PAN3: variants seen among roughly 807,000 people sequenced by gnomAD.
PAN3 encodes the protein poly(A) specific ribonuclease subunit PAN3.
PAN3 carries 19 observed loss-of-function variants against 96.2 expected under a neutral mutation model. The observed-to-expected ratio is 0.20, with a 90% CI of 0.14 to 0.29. PAN3 has a LOEUF of 0.29. Among genes scored for constraint, PAN3 ranks in the 10% least tolerant of loss-of-function variants. The pLI is 1.00. For missense variants in PAN3, 882 were observed against 1,108.1 expected (o/e 0.80, Z 2.90); for synonymous variants, 433 against 406.6 (o/e 1.06, Z -0.78).
intron 6 of PAN3, among the ~76,000 whole-genome samples, chr13:28,221,864 T>C (rs1018670976): frequency 7.2e-5 from 11 of 152,220 alleles, no homozygotes; most frequent in African/African-American, 2.7e-4. Flanking sequence ...TGTGTTCACA[T>C]TGTTTACATG....
At chr13:28,206,011 T>C (rs1879308016) in intron 5 of PAN3, among the ~76,000 whole-genome samples, 2 of 152,150 alleles carry the variant, frequency 1.3e-5, no homozygotes, top group African/African-American at 4.8e-5. Flanking sequence ...CAGCAACTTA[T>C]TCCTTCATGT....
At chr13:28,199,434 TATCTGA>T (rs1411336562) in intron 5 of PAN3, among the ~76,000 whole-genome samples, 1 of 152,198 alleles carries the variant, frequency 6.6e-6, no homozygotes, top group Non-Finnish European at 1.5e-5. Context: ...GAATTGGTGT[TATCTGA>T]ATCTAATGTT....
At chr13:28,278,716 G>T (rs1483851807) in intron 15 of PAN3, among the ~76,000 whole-genome samples, 3 of 151,704 alleles carry the variant, frequency 2.0e-5, no homozygotes, top group African/African-American at 7.3e-5. Context: ...CTATAAATTA[G>T]ATACCATTAT....
intron 5 of PAN3, chr13:28,215,852 T>A: frequency 7.2e-7 from 1 of 1,392,454 alleles, no homozygotes; most frequent in Non-Finnish European, 1.0e-6. Flanking sequence ...CTGCTGGAGC[T>A]GGCAAGGTCA....
At chr13:28,225,240 AAATT>A (rs1881871364) in intron 6 of PAN3, among the ~76,000 whole-genome samples, 1 of 152,184 alleles carries the variant, frequency 6.6e-6, no homozygotes, top group Non-Finnish European at 1.5e-5. Context: ...GAAAAAGGGG[AAATT>A]AATATTTGTC....
At chr13:28,292,159 A>G (rs1886233) in intron 18 of PAN3, among the ~76,000 whole-genome samples, 106,893 of 152,034 alleles carry the variant, frequency 0.7, 38,498 homozygotes, top group South Asian at 0.82. Context: ...TAATACAAAC[A>G]AACGTTAAGC....
At chr13:28,213,024 T>G (rs189136340) in intron 5 of PAN3, among the ~76,000 whole-genome samples, 57 of 152,088 alleles carry the variant, frequency 3.7e-4, no homozygotes, top group African/African-American at 1.3e-3. Flanking sequence ...GAAGCAGCCA[T>G]ACCAAAAAAC....
At chr13:28,141,469 T>TC (rs1344122876) in intron 1 of PAN3, among the ~76,000 whole-genome samples, 12 of 137,208 alleles carry the variant, frequency 8.7e-5, no homozygotes, top group South Asian at 2.3e-4. Flanking sequence ...TTTCTTTTTT[T>TC]TTTTTTTTTT....
chr13:28,158,605 T>C (rs889867287), intron 1 of PAN3, among the ~76,000 whole-genome samples: 2 of 152,130 alleles, frequency 1.3e-5, no homozygotes, highest in Admixed American at 6.5e-5. Flanking sequence ...TGGCTGGGCG[T>C]GGTGGCTCAC....
intron 1 of PAN3, among the ~76,000 whole-genome samples, chr13:28,144,373 C>G (rs2137925689): frequency 6.6e-6 from 1 of 151,942 alleles, no homozygotes; most frequent in Admixed American, 6.6e-5. Flanking sequence ...CGCCACCACG[C>G]CCAGATAATT....
chr13:28,161,658 C>A (rs746117974), intron 1 of PAN3, among the ~76,000 whole-genome samples: 17 of 152,294 alleles, frequency 1.1e-4, no homozygotes, highest in Non-Finnish European at 2.2e-4. Context: ...CCTGAAATGC[C>A]TTATGGAGCT....
chr13:28,255,730 TGC>T (rs1885086034), intron 6 of PAN3, among the ~76,000 whole-genome samples: 5 of 152,088 alleles, frequency 3.3e-5, no homozygotes, highest in Admixed American at 6.6e-5. Context: ...GCACTTAAGC[TGC>T]TATGTATTTC....
chr13:28,191,560 C>G (rs1877261835), intron 4 of PAN3, among the ~76,000 whole-genome samples: 1 of 152,162 alleles, frequency 6.6e-6, no homozygotes, highest in Non-Finnish European at 1.5e-5. Context: ...TATCCAAAGT[C>G]AGTAGTACTG....
At chr13:28,282,663 C>T (rs913079680) in intron 17 of PAN3, among the ~76,000 whole-genome samples, 3 of 152,146 alleles carry the variant, frequency 2.0e-5, no homozygotes, top group Non-Finnish European at 2.9e-5. Flanking sequence ...CTCTCCCATG[C>T]GGTCAAAAAT....
intron 17 of PAN3, among the ~76,000 whole-genome samples, chr13:28,284,065 G>A (rs747591105): frequency 2.0e-5 from 3 of 152,180 alleles, no homozygotes; most frequent in Non-Finnish European, 4.4e-5. Context: ...GTGATTGCTA[G>A]GTCAGTAGGT....
chr13:28,191,456 A>G (rs750130709), intron 4 of PAN3, among the ~76,000 whole-genome samples: 3 of 152,204 alleles, frequency 2.0e-5, no homozygotes, highest in Non-Finnish European at 1.5e-5. Flanking sequence ...GGTTGTTACA[A>G]CTGGGTACTT....
At chr13:28,222,960 A>G (rs576213427) in intron 6 of PAN3, among the ~76,000 whole-genome samples, 149 of 152,288 alleles carry the variant, frequency 9.8e-4, no homozygotes, top group African/African-American at 3.5e-3. Flanking sequence ...ATATCTAAAT[A>G]TATTTTTGAC....
At chr13:28,192,441 A>C (rs1349132491) in intron 4 of PAN3, among the ~76,000 whole-genome samples, 1 of 152,180 alleles carries the variant, frequency 6.6e-6, no homozygotes, top group Non-Finnish European at 1.5e-5. Context: ...GGTGAACTGC[A>C]TACTTGTGGT....
intron 9 of PAN3, among the ~76,000 whole-genome samples, chr13:28,263,881 TC>T (rs1190920323): frequency 6.6e-6 from 1 of 152,222 alleles, no homozygotes; most frequent in African/African-American, 2.4e-5. Context: ...CTTTCAAATA[TC>T]CATGAGTACT....
Sources: allele counts gnomAD v4.1 joint callset (sites outside exome capture counted in the v4.1 genomes callset), GRCh38; gene constraint gnomAD v4.1.1; transcripts MANE v1.5; gene names NCBI Gene and HGNC (gene_info 2026-07-23, HGNC 2026-07-21).